The following PTPRK variants were observed in gnomAD, a reference collection of about 807,000 sequenced individuals.
The protein encoded by PTPRK is protein tyrosine phosphatase receptor type K.
In PTPRK, 75 loss-of-function variants were observed where a neutral mutation model predicts 178.0. The observed-to-expected ratio is 0.42, with a 90% CI of 0.35 to 0.51. PTPRK has a LOEUF of 0.51. Among genes scored for constraint, PTPRK ranks in the 20% least tolerant of loss-of-function variants. PTPRK has a pLI of 0.02. For synonymous variants in PTPRK, 637 were observed against 620.6 expected (o/e 1.03, Z -0.39); for missense variants, 1,441 against 1,797.8 (o/e 0.80, Z 3.59).
At chr6:128,491,933 T>G in intron 1 of PTPRK, 2 of 447,548 alleles carry the variant, frequency 4.5e-6, no homozygotes, top group Admixed American at 2.4e-5. Context: ...CCCTGGGAAT[T>G]GATTCACTAC....
chr6:128,242,298 A>G (rs1038709476), intron 4 of PTPRK, among the ~76,000 whole-genome samples: 9 of 152,246 alleles, frequency 5.9e-5, no homozygotes, highest in African/African-American at 2.2e-4. Context: ...AAATAATTTA[A>G]AAGAATCTCC....
intron 1 of PTPRK, among the ~76,000 whole-genome samples, chr6:128,476,547 T>C (rs774600419): frequency 1.3e-5 from 2 of 152,010 alleles, no homozygotes; most frequent in Non-Finnish European, 2.9e-5. Flanking sequence ...CATGAATCTT[T>C]AGAAATAATA....
At chr6:128,000,433 T>TACAAAAAGAGCATTCAG (rs2114689943) in intron 15 of PTPRK, 1 of 724,366 alleles carries the variant, frequency 1.4e-6, no homozygotes, top group Non-Finnish European at 1.8e-6. Context: ...AGCTGAATGC[T>TACAAAAAGAGCATTCAG]CTTTTTGTAG....
At chr6:127,991,449 A>G in intron 19 of PTPRK, 58 bp from the exon 20 acceptor site, 1 of 1,321,348 alleles carries the variant, frequency 7.6e-7, no homozygotes, top group Non-Finnish European at 1.0e-6. Flanking sequence ...GTTAGTAAGA[A>G]GTTTAGCTAA....
chr6:128,367,697 G>T (rs1304636373), intron 2 of PTPRK, among the ~76,000 whole-genome samples: 1 of 152,134 alleles, frequency 6.6e-6, no homozygotes, highest in African/African-American at 2.4e-5. Flanking sequence ...ATTAAGTATG[G>T]TGATAGAGAG....
chr6:128,375,606 C>G (rs755309985), intron 2 of PTPRK, among the ~76,000 whole-genome samples: 2 of 152,100 alleles, frequency 1.3e-5, no homozygotes, highest in Non-Finnish European at 2.9e-5. Context: ...AATCTCATAA[C>G]TTCATATTCC....
At chr6:128,323,337 C>T (rs1007920878) in intron 2 of PTPRK, among the ~76,000 whole-genome samples, 4 of 152,060 alleles carry the variant, frequency 2.6e-5, no homozygotes, top group Admixed American at 6.6e-5. Context: ...CACAAAAATG[C>T]AAATATGCCT....
chr6:128,313,944 G>A (rs926024739), intron 3 of PTPRK, among the ~76,000 whole-genome samples: 1 of 152,130 alleles, frequency 6.6e-6, no homozygotes, highest in Non-Finnish European at 1.5e-5. Context: ...TCTTTCCTCA[G>A]ATTGCAAAGC....
intron 5 of PTPRK, among the ~76,000 whole-genome samples, chr6:128,225,408 C>T (rs1233291904): frequency 8.5e-5 from 13 of 152,072 alleles, no homozygotes; most frequent in South Asian, 2.1e-4. Context: ...TGCACAACTA[C>T]GACCAAGTGA....
At chr6:128,250,229 C>T (rs1816245000) in intron 3 of PTPRK, among the ~76,000 whole-genome samples, 1 of 152,152 alleles carries the variant, frequency 6.6e-6, no homozygotes, top group African/African-American at 2.4e-5. Flanking sequence ...AACTAATACA[C>T]CACCCATTGA....
At chr6:127,997,273 A>C (rs1476105950) in intron 16 of PTPRK, among the ~76,000 whole-genome samples, 1 of 152,154 alleles carries the variant, frequency 6.6e-6, no homozygotes, top group Non-Finnish European at 1.5e-5. Flanking sequence ...GAGAAGTAGA[A>C]GTAGCAAAGT....
intron 6 of PTPRK, among the ~76,000 whole-genome samples, chr6:128,212,441 G>C (rs1200975626): frequency 3.3e-5 from 5 of 151,886 alleles, no homozygotes; most frequent in Admixed American, 3.3e-4. Context: ...TAACAGATAG[G>C]GGAATATAAA....
In PTPRK at chr6:127,990,511, A is replaced by G. The variant is rs564470486; in HGVS notation, c.3096+258T>C. ...TTCTCTATATCACTTGTCATGATGT[A>G]TGATATATTAGTTGATTTATTTATT... On this transcript the variant is annotated intron_variant, in intron 21 of 29. Transcript: ENST00000368226. Among the ~76,000 whole-genome samples the G allele has an allele frequency of 2.2e-4, 34 of 152,198 alleles. No homozygotes were observed. In the South Asian group the frequency reaches 5.0e-3, roughly 22 times the overall value.
chr6:128,064,399 T>C (rs1401837165), intron 13 of PTPRK, among the ~76,000 whole-genome samples: 3 of 152,234 alleles, frequency 2.0e-5, no homozygotes, highest in Admixed American at 2.0e-4. Context: ...TGTTTGATTG[T>C]CTACAATGGA....
At chr6:128,421,452 T>G (rs1431772993) in intron 1 of PTPRK, among the ~76,000 whole-genome samples, 1 of 152,210 alleles carries the variant, frequency 6.6e-6, no homozygotes, top group Non-Finnish European at 1.5e-5. Context: ...GGAGTTTTTT[T>G]AAAAGTGTGT....
At chr6:128,161,441 C>T (rs1237643965) in intron 7 of PTPRK, among the ~76,000 whole-genome samples, 1 of 151,454 alleles carries the variant, frequency 6.6e-6, no homozygotes, top group African/African-American at 2.4e-5. Context: ...TTATGTTAAT[C>T]CTACCACAGG....
intron 13 of PTPRK, among the ~76,000 whole-genome samples, chr6:128,053,732 G>A (rs1482656126): frequency 3.3e-5 from 5 of 152,160 alleles, no homozygotes; most frequent in Admixed American, 3.3e-4. Flanking sequence ...AATGCCACAC[G>A]AGGCTGATAC....
chr6:128,385,378 T>A (rs893549754), intron 2 of PTPRK, among the ~76,000 whole-genome samples: 1 of 152,178 alleles, frequency 6.6e-6, no homozygotes, highest in Non-Finnish European at 1.5e-5. Context: ...TATTTTTTAA[T>A]TAGCTCAACA....
At chr6:128,114,907 T>C (rs1230907679) in intron 7 of PTPRK, among the ~76,000 whole-genome samples, 2 of 152,026 alleles carry the variant, frequency 1.3e-5, no homozygotes, top group African/African-American at 4.8e-5. Context: ...CAACTTGTGC[T>C]ATATATGTAA....
Sources: allele counts gnomAD v4.1 joint callset (sites outside exome capture counted in the v4.1 genomes callset), GRCh38; gene constraint gnomAD v4.1.1; transcripts MANE v1.5; gene names NCBI Gene and HGNC (gene_info 2026-07-23, HGNC 2026-07-21).